ARHGAP6: variants seen among roughly 807,000 people sequenced by gnomAD.
ARHGAP6 encodes the protein rho GTPase-activating protein 6.
A neutral mutation model predicts 55.7 loss-of-function variants in ARHGAP6; 16 were observed. The ratio of observed to expected loss-of-function variants is 0.29; its 90% CI spans 0.19 to 0.44. The LOEUF (loss-of-function observed/expected upper bound fraction) is 0.44. Among genes scored for constraint, ARHGAP6 ranks in the 20% least tolerant of loss-of-function variants. ARHGAP6 has a pLI of 1.00. For missense variants in ARHGAP6, 698 were observed against 808.9 expected (o/e 0.86, Z 1.66); for synonymous variants, 382 against 360.9 (o/e 1.06, Z -0.66).
intron 2 of ARHGAP6, among the ~76,000 whole-genome samples, chrX:11,246,874 C>T (rs916543127): frequency 8.9e-6 from 1 of 112,270 alleles, no homozygotes; most frequent in African/African-American, 3.2e-5. Context: ...AGTTCTAGCA[C>T]ATCACCTCTT....
At chrX:11,170,546 T>C (rs1183122319) in intron 8 of ARHGAP6, among the ~76,000 whole-genome samples, 2 of 111,362 alleles carry the variant, frequency 1.8e-5, no homozygotes, top group African/African-American at 6.6e-5. Context: ...GGAATCTGCA[T>C]TTCAGGAAGA....
intron 1 of ARHGAP6, among the ~76,000 whole-genome samples, chrX:11,537,969 G>C (rs184343648): frequency 2.7e-5 from 3 of 110,134 alleles, no homozygotes; most frequent in African/African-American, 9.9e-5. Context: ...AAACCCAATA[G>C]TTCCTCAGAC....
At chrX:11,154,460 A>G (rs1435134861) in intron 10 of ARHGAP6, among the ~76,000 whole-genome samples, 1 of 112,524 alleles carries the variant, frequency 8.9e-6, no homozygotes, top group Non-Finnish European at 1.9e-5. Context: ...ATATGCAAAG[A>G]GTGTATTTGA....
At chrX:11,540,570 G>A (rs897878551) in intron 1 of ARHGAP6, among the ~76,000 whole-genome samples, 4 of 111,618 alleles carry the variant, frequency 3.6e-5, no homozygotes, top group African/African-American at 1.3e-4. Context: ...CCCCCAGCTT[G>A]AGAGAGTCTT....
intron 1 of ARHGAP6, among the ~76,000 whole-genome samples, chrX:11,368,871 T>A (rs923482735): frequency 8.9e-6 from 1 of 112,048 alleles, no homozygotes; most frequent in African/African-American, 3.2e-5. Flanking sequence ...GACTTTAAAT[T>A]TCCTGTCTCT....
At chrX:11,262,542 T>A (rs1164207763) in intron 1 of ARHGAP6, among the ~76,000 whole-genome samples, 1 of 111,691 alleles carries the variant, frequency 9.0e-6, no homozygotes, top group Non-Finnish European at 1.9e-5. Context: ...CTCATCCAAC[T>A]GTAAACTCCC....
intron 1 of ARHGAP6, among the ~76,000 whole-genome samples, chrX:11,460,455 T>G (rs766588178): frequency 1.8e-5 from 2 of 111,397 alleles, no homozygotes; most frequent in Non-Finnish European, 3.8e-5. Context: ...TGATCCTGAG[T>G]GCAGGATCCA....
At chrX:11,251,184 T>C in intron 2 of ARHGAP6, among the ~76,000 whole-genome samples, 1 of 111,757 alleles carries the variant, frequency 8.9e-6, no homozygotes. Flanking sequence ...CTCCAGGACC[T>C]CTTCGCCATC....
intron 1 of ARHGAP6, among the ~76,000 whole-genome samples, chrX:11,423,239 G>A (rs573838482): frequency 1.5e-4 from 17 of 112,934 alleles, no homozygotes; most frequent in African/African-American, 5.1e-4. Context: ...GGCCTGCAAC[G>A]GCGCCCAGTT....
intron 1 of ARHGAP6, among the ~76,000 whole-genome samples, chrX:11,482,071 G>T (rs767449748): frequency 8.9e-6 from 1 of 112,280 alleles, no homozygotes; most frequent in African/African-American, 3.2e-5. Context: ...TCTCCACCAG[G>T]AGTGGTTTTA....
intron 1 of ARHGAP6, among the ~76,000 whole-genome samples, chrX:11,656,379 C>T (rs145413966): frequency 1.8e-5 from 2 of 112,250 alleles, no homozygotes; most frequent in African/African-American, 3.2e-5. Flanking sequence ...AGTTTCCTAT[C>T]GCTGCTCGAA....
intron 1 of ARHGAP6, among the ~76,000 whole-genome samples, chrX:11,425,839 C>T (rs73500828): frequency 3.6e-5 from 4 of 111,542 alleles, no homozygotes; most frequent in African/African-American, 1.3e-4. Context: ...TTTCCTCCCC[C>T]ACCCGCACTC....
intron 1 of ARHGAP6, among the ~76,000 whole-genome samples, chrX:11,337,990 G>C: frequency 9.0e-6 from 1 of 111,200 alleles, no homozygotes; most frequent in Non-Finnish European, 1.9e-5. Flanking sequence ...TGGCTTTCTA[G>C]CAACCCACTC....
intron 1 of ARHGAP6, among the ~76,000 whole-genome samples, chrX:11,291,969 C>G (rs2048001483): frequency 9.0e-6 from 1 of 111,516 alleles, no homozygotes; most frequent in Admixed American, 9.5e-5. Context: ...TAAACATTTA[C>G]TGTATGCCAG....
intron 1 of ARHGAP6, among the ~76,000 whole-genome samples, chrX:11,294,048 A>C (rs1438512642): frequency 8.9e-6 from 1 of 112,607 alleles, no homozygotes; most frequent in Non-Finnish European, 1.9e-5. Flanking sequence ...TTATTTATAG[A>C]ATAATTACAG....
At chrX:11,633,567 G>C (rs1221597751) in intron 1 of ARHGAP6, among the ~76,000 whole-genome samples, 2 of 111,706 alleles carry the variant, frequency 1.8e-5, no homozygotes, top group African/African-American at 6.5e-5. Flanking sequence ...TAGCCTGTTG[G>C]AGTTCAATCA....
chrX:11,174,565 C>CTTTTT (rs1569241085), intron 8 of ARHGAP6, among the ~76,000 whole-genome samples: 8 of 73,381 alleles, frequency 1.1e-4, no homozygotes, highest in South Asian at 1.4e-3. Flanking sequence ...TTCCTTCCTT[C>CTTTTT]CTTCCTTCCT....
chrX:11,380,550 G>A (rs2049250481), intron 1 of ARHGAP6, among the ~76,000 whole-genome samples: 1 of 112,118 alleles, frequency 8.9e-6, no homozygotes, highest in Non-Finnish European at 1.9e-5. Context: ...TGTGCAAGAA[G>A]AACTTGGGGG....
At chrX:11,284,645 T>C (rs1288287320) in intron 1 of ARHGAP6, among the ~76,000 whole-genome samples, 1 of 111,921 alleles carries the variant, frequency 8.9e-6, no homozygotes, top group Non-Finnish European at 1.9e-5. Context: ...ATTTTCTCCT[T>C]GCAGCATTCC....
Sources: allele counts gnomAD v4.1 joint callset (sites outside exome capture counted in the v4.1 genomes callset), GRCh38; gene constraint gnomAD v4.1.1; transcripts MANE v1.5; gene names NCBI Gene and HGNC (gene_info 2026-07-23, HGNC 2026-07-21).